Variants in STARD13 observed in about 807,000 individuals in gnomAD.
STARD13 encodes StAR related lipid transfer domain containing 13, also known as stAR-related lipid transfer protein 13.
In STARD13, 62 loss-of-function variants were observed where a neutral mutation model predicts 106.4. The observed-to-expected ratio is 0.58, with a 90% confidence interval of 0.48 to 0.72. STARD13 has a LOEUF of 0.72. Ranked by LOEUF, STARD13 falls within the 30% of genes least tolerant of loss-of-function variation. The pLI is 0.00. For synonymous variants in STARD13, 565 were observed against 553.0 expected (o/e 1.02, Z -0.31); for missense variants, 1,387 against 1,424.0 (o/e 0.97, Z 0.42).
the STARD13 span, among the ~76,000 whole-genome samples, chr13:33,438,363 A>T: frequency 2.0e-5 from 3 of 152,198 alleles, no homozygotes; most frequent in Non-Finnish European, 2.9e-5. Context: ...TCAACAAGAG[A>T]GACGAAGCAC....
At chr13:33,658,373 G>A in the STARD13 span, 2 of 152,170 alleles carry the variant, frequency 1.3e-5, no homozygotes, top group Non-Finnish European at 1.5e-5. Flanking sequence ...CATGAACATG[G>A]GTGAGTACAA....
chr13:33,193,107 T>A (rs1051978646), intron 1 of STARD13, among the ~76,000 whole-genome samples: 1 of 152,336 alleles, frequency 6.6e-6, no homozygotes, highest in South Asian at 2.1e-4. Context: ...AAGGAGGGTA[T>A]AAATTATAAA....
Position 33,130,079 on chromosome 13 carries a change from T to C in STARD13, c.598A>G (p.Ser200Gly). Residue 200 changes from serine (S) to glycine (G), a missense_variant, in exon 5 of 14, where the codon AGC (serine) becomes GGC (glycine). By Grantham distance (56) the Ser-to-Gly change is moderately conservative. Coordinates refer to ENST00000336934, the MANE Select transcript of STARD13 (RefSeq NM_178006.4). The surrounding 1 kb of genome is among the most constrained non-coding windows in gnomAD (Gnocchi z 4.1). ...LSEPEVCSIH[S>G]ESSGGSDSRS... ...CTGTCGCTGCCTCCACTGCTTTCGC[T>C]GTGAATGGAGCAGACCTCAGGCTCG... 2 of 1,614,050 alleles carry C rather than the reference T, an allele frequency of 1.2e-6. No homozygotes were observed. Among genetic ancestry groups the C allele is most frequent in the Non-Finnish European group, 1.7e-6 (2 of 1,179,992 alleles).
At chr13:33,516,790 A>G in the STARD13 span, among the ~76,000 whole-genome samples, 1 of 152,072 alleles carries the variant, frequency 6.6e-6, no homozygotes, top group East Asian at 1.9e-4. Flanking sequence ...AAAGTTACAT[A>G]TCAGGCCAGG....
At chr13:33,615,769 C>T in the STARD13 span, among the ~76,000 whole-genome samples, 4 of 152,206 alleles carry the variant, frequency 2.6e-5, no homozygotes, top group East Asian at 1.9e-4. Context: ...CCAATAGCAT[C>T]GCTCTGCACC....
At chr13:33,617,147 A>G in the STARD13 span, among the ~76,000 whole-genome samples, 45 of 152,210 alleles carry the variant, frequency 3.0e-4, no homozygotes, top group African/African-American at 1.1e-3. Flanking sequence ...GATTTTTAAA[A>G]ATAATTTAAA....
intron 1 of STARD13, among the ~76,000 whole-genome samples, chr13:33,306,900 A>G (rs1236711814): frequency 6.6e-6 from 1 of 152,168 alleles, no homozygotes; most frequent in Admixed American, 6.5e-5. Flanking sequence ...TAGTGCGCCA[A>G]GATTGTGCCA....
chr13:33,106,145 C>G (rs1049059737), intron 13 of STARD13, among the ~76,000 whole-genome samples: 1 of 152,208 alleles, frequency 6.6e-6, no homozygotes, highest in African/African-American at 2.4e-5. Flanking sequence ...CATGGTCGAG[C>G]ACGGTGGCTC....
At chr13:33,439,580 C>A in the STARD13 span, 1 of 460,704 alleles carries the variant, frequency 2.2e-6, no homozygotes, top group Non-Finnish European at 3.8e-6. Context: ...ATCAACTTTG[C>A]ATCCATGATT....
chr13:33,548,191 T>C, the STARD13 span, among the ~76,000 whole-genome samples: 2 of 152,126 alleles, frequency 1.3e-5, no homozygotes, highest in Admixed American at 6.5e-5. Flanking sequence ...TGATATACCA[T>C]AGAAAAATAA....
At chr13:33,480,899 A>G in the STARD13 span, among the ~76,000 whole-genome samples, 1 of 152,174 alleles carries the variant, frequency 6.6e-6, no homozygotes. Context: ...CCGGGAAGCT[A>G]TTAATAATTA....
At chr13:33,318,769 C>T (rs147206650) in intron 1 of STARD13, among the ~76,000 whole-genome samples, 21 of 152,104 alleles carry the variant, frequency 1.4e-4, no homozygotes, top group African/African-American at 4.8e-4. Flanking sequence ...GAATATACAT[C>T]TTCCCAAAGA....
At chr13:33,623,149 C>T in the STARD13 span, among the ~76,000 whole-genome samples, 1 of 151,828 alleles carries the variant, frequency 6.6e-6, no homozygotes, top group Non-Finnish European at 1.5e-5. Flanking sequence ...GATTTTATCT[C>T]AGAAATGCAA....
chr13:33,470,064 A>G, the STARD13 span, among the ~76,000 whole-genome samples: 1 of 151,988 alleles, frequency 6.6e-6, no homozygotes, highest in Non-Finnish European at 1.5e-5. Flanking sequence ...CAACTCCCCG[A>G]CAGGCTCCAC....
At chr13:33,429,815 C>CA in the STARD13 span, among the ~76,000 whole-genome samples, 4 of 150,590 alleles carry the variant, frequency 2.7e-5, no homozygotes, top group South Asian at 4.2e-4. Context: ...TTAATGGATA[C>CA]AAAAAAATAG....
the STARD13 span, among the ~76,000 whole-genome samples, chr13:33,568,028 A>AT: frequency 9.1e-4 from 134 of 146,458 alleles, 14 homozygotes; most frequent in Middle Eastern, 6.9e-3. Context: ...GTATTTAGGG[A>AT]TTTTTTTTTC....
chr13:33,561,562 G>C, the STARD13 span, among the ~76,000 whole-genome samples: 1 of 151,518 alleles, frequency 6.6e-6, no homozygotes, highest in Non-Finnish European at 1.5e-5. Context: ...GGATTTTAAA[G>C]ATCTGTGCCA....
chr13:33,558,299 T>C, the STARD13 span, among the ~76,000 whole-genome samples: 4 of 152,108 alleles, frequency 2.6e-5, no homozygotes, highest in African/African-American at 9.7e-5. Flanking sequence ...AATAGTGATA[T>C]CTGCCTCACA....
At chr13:33,465,666 C>T in the STARD13 span, among the ~76,000 whole-genome samples, 1 of 152,140 alleles carries the variant, frequency 6.6e-6, no homozygotes, top group Non-Finnish European at 1.5e-5. Flanking sequence ...TCCTCATTTG[C>T]TCCACTACAG....
Sources: gnomAD v4.1 joint callset for allele counts (sites outside exome capture counted in the v4.1 genomes callset) on GRCh38, gnomAD v4.1.1 for gene constraint, Gnocchi (gnomAD v3.1) non-coding constraint, MANE v1.5 for transcripts, NCBI Gene and HGNC (gene_info 2026-07-23, HGNC 2026-07-21) for gene names.